Variants in RANBP17 observed in about 807,000 individuals in gnomAD.
RANBP17 encodes the protein RAN binding protein 17.
Under a neutral mutation model 141.2 loss-of-function variants are expected in RANBP17, and 158 were observed. That is an observed-to-expected ratio of 1.12 (90% CI 0.98 to 1.28). The LOEUF (loss-of-function observed/expected upper bound fraction) is 1.28, where lower values mean the gene tolerates loss of function less well. Ranked by LOEUF, RANBP17 falls within the 50% of genes most tolerant of loss-of-function variation. The pLI, the probability that RANBP17 is intolerant of heterozygous loss-of-function variation, is 0.00. For missense variants in RANBP17, 1,438 were observed against 1,290.7 expected, an observed-to-expected ratio of 1.11 and a Z score of -1.75; for synonymous variants, 430 against 450.0, an observed-to-expected ratio of 0.96 and a Z score of 0.56.
chr5:171,115,170 G>T (rs921207022), intron 14 of RANBP17, among the ~76,000 whole-genome samples: 5 of 151,882 alleles, frequency 3.3e-5, no homozygotes, highest in Admixed American at 1.3e-4. Flanking sequence ...AGAGATTTTT[G>T]CCAAGCTACT....
At chr5:171,220,375 G>T (rs952226318) in intron 21 of RANBP17, among the ~76,000 whole-genome samples, 1 of 151,006 alleles carries the variant, frequency 6.6e-6, no homozygotes, top group African/African-American at 2.4e-5. Context: ...TTCTGCATTG[G>T]TCTCGCTGGG....
In RANBP17 at chr5:171,263,150, C is replaced by T. The variant is rs968004327; in HGVS notation, c.2777-2531C>T. On this transcript the variant is annotated intron_variant, in intron 24 of 27. Transcript: ENST00000523189. Reference sequence around the variant, plus strand: ...TCACCTGTAATCTACGTCAGGCATACATATGTCTCAGAACCTCAGAGATGA... The same window carrying T: ...TCACCTGTAATCTACGTCAGGCATATATATGTCTCAGAACCTCAGAGATGA... Among the ~76,000 whole-genome samples the T allele has an allele frequency of 2.6e-5, 4 of 152,188 alleles. No homozygotes were observed. In the South Asian group the frequency reaches 8.3e-4, roughly 31 times the overall value.
chr5:170,885,639 A>T (rs1449724913), intron 3 of RANBP17, among the ~76,000 whole-genome samples: 1 of 152,212 alleles, frequency 6.6e-6, no homozygotes, highest in Admixed American at 6.5e-5. Context: ...CTGATTAACT[A>T]GCTGTAATAT....
In RANBP17 at chr5:171,032,661, T is replaced by C. The variant is rs1405614128; in HGVS notation, c.1710+64284T>C. Among the ~76,000 whole-genome samples the C allele has an allele frequency of 1.2e-3, 189 of 152,310 alleles. 4 individuals carry two copies. Among genetic ancestry groups the C allele is most frequent in the Non-Finnish European group, 3.4e-4 (23 of 68,014 alleles). On this transcript the variant is annotated intron_variant, in intron 14 of 27. Coordinates refer to ENST00000523189, the MANE Select transcript of RANBP17 (RefSeq NM_022897.5). ...TCATTTTGATATTATTGCAGTCATA[T>C]AATGAATCAGTGAGATTCCCGTCAT...
At chr5:170,935,499 TC>T (rs1304383497) in intron 12 of RANBP17, among the ~76,000 whole-genome samples, 1 of 152,196 alleles carries the variant, frequency 6.6e-6, no homozygotes, top group African/African-American at 2.4e-5. Flanking sequence ...GGTGTGGATG[TC>T]CTTTCTGTTT....
intron 14 of RANBP17, among the ~76,000 whole-genome samples, chr5:171,098,514 T>A (rs1016316736): frequency 1.3e-5 from 2 of 152,218 alleles, no homozygotes; most frequent in Non-Finnish European, 2.9e-5. Context: ...TTTGTTTAAG[T>A]TCTTTGTAGA....
chr5:171,004,844 C>A (rs753269449), intron 14 of RANBP17, among the ~76,000 whole-genome samples: 1 of 152,124 alleles, frequency 6.6e-6, no homozygotes, highest in African/African-American at 2.4e-5. Flanking sequence ...AGGCTTTTGG[C>A]ATTTGAAGCA....
At chr5:171,028,916 A>G (rs1177580328) in intron 14 of RANBP17, 4 of 1,288,538 alleles carry the variant, frequency 3.1e-6, no homozygotes, top group Admixed American at 2.3e-5. Flanking sequence ...AACCTATCCA[A>G]CTCGGGTTTC....
intron 24 of RANBP17, among the ~76,000 whole-genome samples, chr5:171,258,118 T>TACACACAC (rs34304503): frequency 2.8e-4 from 36 of 128,298 alleles, no homozygotes; most frequent in Admixed American, 1.0e-3. Flanking sequence ...AAAAAAAAAA[T>TACACACAC]ACACACACAC....
At chr5:171,155,719 G>A (rs964801397) in intron 14 of RANBP17, among the ~76,000 whole-genome samples, 1 of 152,152 alleles carries the variant, frequency 6.6e-6, no homozygotes, top group African/African-American at 2.4e-5. Flanking sequence ...ATAGTGGATT[G>A]TCATCTTGAA....
At chr5:170,941,885 C>T (rs1218826886) in intron 12 of RANBP17, among the ~76,000 whole-genome samples, 3 of 151,968 alleles carry the variant, frequency 2.0e-5, no homozygotes, top group African/African-American at 7.2e-5. Flanking sequence ...ATTTGAATAC[C>T]CATTGACCTG....
At chr5:171,079,600 C>T (rs888013210) in intron 14 of RANBP17, among the ~76,000 whole-genome samples, 7 of 152,184 alleles carry the variant, frequency 4.6e-5, no homozygotes, top group South Asian at 4.1e-4. Flanking sequence ...CCACCCTTAT[C>T]GGTCAGAAGA....
Position 171,081,239 on chromosome 5 carries a change from C to T in RANBP17, c.1711-88891C>T, listed in dbSNP as rs1000806018. Among the ~76,000 whole-genome samples, 71 of 152,074 alleles carry T rather than the reference C, an allele frequency of 4.7e-4. 1 individual carries two copies. Among genetic ancestry groups the T allele is most frequent in the Non-Finnish European group, 9.3e-4 (63 of 67,994 alleles). ...AGTGGTATCTCTTATTTTCTTTCTCCTTTTCCCCCTAGTCAGTAAAACTAA... is the reference window on the plus strand; with the variant it reads ...AGTGGTATCTCTTATTTTCTTTCTCTTTTTCCCCCTAGTCAGTAAAACTAA... On this transcript the variant is annotated intron_variant, in intron 14 of 27. Coordinates refer to ENST00000523189, the MANE Select transcript of RANBP17 (RefSeq NM_022897.5).
At chr5:171,219,815 C>G (rs1763440328) in intron 21 of RANBP17, among the ~76,000 whole-genome samples, 2 of 151,936 alleles carry the variant, frequency 1.3e-5, no homozygotes, top group Non-Finnish European at 2.9e-5. Flanking sequence ...GTGTTCATAG[C>G]TTCCTTGCAT....
intron 24 of RANBP17, among the ~76,000 whole-genome samples, chr5:171,259,538 TAAAAA>T (rs1162591971): frequency 6.6e-6 from 1 of 151,972 alleles, no homozygotes; most frequent in Middle Eastern, 3.2e-3. Flanking sequence ...TGTTCAGCCA[TAAAAA>T]AAGAATGAAA....
chr5:171,023,373 CATT>C (rs1056302583), intron 14 of RANBP17, among the ~76,000 whole-genome samples: 5 of 152,140 alleles, frequency 3.3e-5, no homozygotes, highest in African/African-American at 1.2e-4. Flanking sequence ...CCTGTCAAAA[CATT>C]ATTATTTTTT....
chr5:171,160,128 G>T (rs1332976814), intron 14 of RANBP17, among the ~76,000 whole-genome samples: 1 of 152,036 alleles, frequency 6.6e-6, no homozygotes, highest in East Asian at 1.9e-4. Flanking sequence ...GGCAATATAG[G>T]TGATGCAGAT....
At chr5:170,905,364 A>G (rs1279851380) in intron 5 of RANBP17, among the ~76,000 whole-genome samples, 2 of 152,194 alleles carry the variant, frequency 1.3e-5, no homozygotes, top group Non-Finnish European at 2.9e-5. Flanking sequence ...CCATGCACAC[A>G]TATAGATGTA....
intron 14 of RANBP17, among the ~76,000 whole-genome samples, chr5:171,166,884 T>C (rs1214753948): frequency 6.6e-6 from 1 of 152,244 alleles, no homozygotes. Context: ...TTCAATTTAC[T>C]ATTCAGTAGA....
Sources: gnomAD v4.1 joint callset for allele counts (sites outside exome capture counted in the v4.1 genomes callset) on GRCh38, gnomAD v4.1.1 for gene constraint, MANE v1.5 for transcripts, NCBI Gene and HGNC (gene_info 2026-07-23, HGNC 2026-07-21) for gene names.